The following PCDHA3 variants were observed in gnomAD, a reference collection of about 807,000 sequenced individuals.
PCDHA3 encodes protocadherin alpha 3.
In PCDHA3, 41 loss-of-function variants were observed where a neutral mutation model predicts 62.2. That is an observed-to-expected ratio of 0.66 (90% confidence interval 0.51 to 0.86). The LOEUF is 0.86. PCDHA3 is among the 40% of genes least tolerant of loss of function. The pLI, the probability that PCDHA3 is intolerant of heterozygous loss-of-function variation, is 0.00. For missense variants in PCDHA3, 1,304 were observed against 1,241.2 expected, an observed-to-expected ratio of 1.05 and a Z score of -0.76; for synonymous variants, 640 against 555.4, an observed-to-expected ratio of 1.15 and a Z score of -2.14.
intron 1 of PCDHA3, among the ~76,000 whole-genome samples, chr5:140,909,493 G>T (rs989826667): frequency 6.6e-6 from 1 of 152,184 alleles, no homozygotes; most frequent in African/African-American, 2.4e-5. Context: ...AGAGCTGAAC[G>T]GGGATGTGGT....
intron 1 of PCDHA3, chr5:140,877,773 G>A (rs1554170103): frequency 2.5e-6 from 4 of 1,614,166 alleles, no homozygotes; most frequent in South Asian, 2.2e-5. Flanking sequence ...CGCCCAAGAC[G>A]GACCTCATGG....
intron 3 of PCDHA3, among the ~76,000 whole-genome samples, chr5:140,989,535 GTT>G (rs2097346543): frequency 6.6e-6 from 1 of 152,178 alleles, no homozygotes; most frequent in Non-Finnish European, 1.5e-5. Context: ...GAGGAAGATA[GTT>G]TGTAATTCCT....
At chr5:140,914,710 G>T (rs879987412) in intron 1 of PCDHA3, among the ~76,000 whole-genome samples, 22 of 151,256 alleles carry the variant, frequency 1.5e-4, no homozygotes, top group Non-Finnish European at 2.4e-4. Flanking sequence ...TTAATTTCTT[G>T]TTTTTTATTT....
rs2098414886 is a variant in PCDHA3, at chr5:141,009,848, A to T, written c.2764A>T (p.Thr922Ser). 7 of 1,614,012 alleles carry T rather than the reference A, an allele frequency of 4.3e-6. No homozygotes were observed. Among genetic ancestry groups the T allele is most frequent in the Non-Finnish European group, 5.1e-6 (6 of 1,180,014 alleles). ...DFITFGKKEE[T>S]KKKKKKKKGN... ...CATAACCTTCGGCAAAAAGGAGGAGACCAAGAAAAAGAAGAAAAAGAAGAA... is the reference window on the plus strand; with the variant it reads ...CATAACCTTCGGCAAAAAGGAGGAGTCCAAGAAAAAGAAGAAAAAGAAGAA... The change falls in exon 4 of 4, where the codon ACC becomes TCC. Residue 922 changes from threonine (T) to serine (S), a missense_variant. Thr to Ser is a moderately conservative substitution (Grantham distance 58). Transcript: ENST00000522353.
chr5:140,886,368 C>A (rs1174734883), intron 1 of PCDHA3, among the ~76,000 whole-genome samples: 1 of 152,040 alleles, frequency 6.6e-6, no homozygotes, highest in Non-Finnish European at 1.5e-5. Flanking sequence ...GGTGTACATG[C>A]CATGGTGTGC....
chr5:140,872,919 A>G (rs1554166439), intron 1 of PCDHA3, among the ~76,000 whole-genome samples: 1 of 152,176 alleles, frequency 6.6e-6, no homozygotes, highest in Non-Finnish European at 1.5e-5. Flanking sequence ...GTAATGCCTT[A>G]TCTCTAATGT....
At chr5:140,969,948 G>A (rs1206322511) in intron 1 of PCDHA3, among the ~76,000 whole-genome samples, 3 of 152,198 alleles carry the variant, frequency 2.0e-5, no homozygotes, top group African/African-American at 7.2e-5. Context: ...TGAAGCTAAA[G>A]TTTGCTTTGG....
chr5:140,967,889 C>T, intron 1 of PCDHA3: 1 of 1,614,146 alleles, frequency 6.2e-7, no homozygotes, highest in Non-Finnish European at 8.5e-7. Context: ...TAGCCCAGTG[C>T]CTGAGAATGC....
At chr5:140,976,080 A>G (rs1487401919) in intron 1 of PCDHA3, among the ~76,000 whole-genome samples, 1 of 152,226 alleles carries the variant, frequency 6.6e-6, no homozygotes, top group African/African-American at 2.4e-5. Flanking sequence ...TGTGTCAGAT[A>G]TATCAGTAGT....
At chr5:140,989,657 A>G (rs1045043697) in intron 3 of PCDHA3, among the ~76,000 whole-genome samples, 7 of 152,228 alleles carry the variant, frequency 4.6e-5, no homozygotes, top group African/African-American at 1.7e-4. Flanking sequence ...CAATATTTTA[A>G]AAGAAACTCT....
chr5:140,844,321 A>T lies in PCDHA3; in HGVS notation c.2394+40730A>T, dbSNP rs1407685280. Reference sequence around the variant, plus strand: ...TAGTTTTCATATTCTTCCTAATTTTATTATAAACTAGTTAAAAAGTAAAAT... The same window carrying T: ...TAGTTTTCATATTCTTCCTAATTTTTTTATAAACTAGTTAAAAAGTAAAAT... On this transcript the variant is annotated intron_variant, in intron 1 of 3. Coordinates refer to ENST00000522353, the MANE Select transcript of PCDHA3 (RefSeq NM_018906.3). Among the ~76,000 whole-genome samples the T allele has an allele frequency of 6.0e-5, 9 of 149,650 alleles. 1 individual carries two copies. Among genetic ancestry groups the T allele is most frequent in the African/African-American group, 2.2e-4 (9 of 41,032 alleles).
At chr5:141,006,612 AAGG>A (rs2098279964) in intron 3 of PCDHA3, among the ~76,000 whole-genome samples, 1 of 152,204 alleles carries the variant, frequency 6.6e-6, no homozygotes, top group African/African-American at 2.4e-5. Flanking sequence ...CAGACTGAAT[AAGG>A]AGACTATTGC....
Position 140,857,729 on chromosome 5 carries a change from G to T in PCDHA3, c.2394+54138G>T, listed in dbSNP as rs782508750. 3 of 1,597,292 alleles carry T rather than the reference G, an allele frequency of 1.9e-6. No homozygotes were observed. In the East Asian group the frequency reaches 6.7e-5, roughly 36 times the overall value. On this transcript the variant is annotated intron_variant, in intron 1 of 3. Coordinates refer to ENST00000522353, the MANE Select transcript of PCDHA3 (RefSeq NM_018906.3). ...GTTCGTGCTGGACGAGAACGACAACGCTCCCGCGCTGCTGGCGTCTCCCGC... is the reference window on the plus strand; with the variant it reads ...GTTCGTGCTGGACGAGAACGACAACTCTCCCGCGCTGCTGGCGTCTCCCGC...
rs2150129029 is a variant in PCDHA3, at chr5:140,823,775, C to T, written c.2394+20184C>T. On this transcript the variant is annotated intron_variant, in intron 1 of 3. Coordinates refer to ENST00000522353, the MANE Select transcript of PCDHA3 (RefSeq NM_018906.3). Reference sequence around the variant, plus strand: ...ACAGCCACAGCCACAGTGCTGGTGTCGCTGGTGGAAAGTGGCCAGGCGCCG... The same window carrying T: ...ACAGCCACAGCCACAGTGCTGGTGTTGCTGGTGGAAAGTGGCCAGGCGCCG... 5 of 1,613,850 alleles carry T rather than the reference C, an allele frequency of 3.1e-6. No homozygotes were observed. The South Asian group carries it at 5.5e-5, about 18-fold the overall frequency.
At chr5:140,806,239 A>T (rs1311406571) in intron 1 of PCDHA3, among the ~76,000 whole-genome samples, 1 of 152,090 alleles carries the variant, frequency 6.6e-6, no homozygotes, top group Non-Finnish European at 1.5e-5. Context: ...CTTGTTTATT[A>T]AAAAAAGCTA....
At chr5:141,007,280 T>G (rs946303708) in intron 3 of PCDHA3, among the ~76,000 whole-genome samples, 1 of 151,106 alleles carries the variant, frequency 6.6e-6, no homozygotes, top group East Asian at 1.9e-4. Flanking sequence ...CTGGGTGCAG[T>G]GGGCTCATGC....
At chr5:140,812,433 C>T (rs1447584694) in intron 1 of PCDHA3, 1 of 152,044 alleles carries the variant, frequency 6.6e-6, no homozygotes, top group African/African-American at 2.4e-5. Flanking sequence ...AAAAAATCAA[C>T]TAAGTTTAAA....
At chr5:140,808,867 C>T (rs782544974) in intron 1 of PCDHA3, 18 of 1,613,062 alleles carry the variant, frequency 1.1e-5, no homozygotes, top group African/African-American at 4.0e-5. Flanking sequence ...ACGAAAACGA[C>T]AACGCGCCAG....
chr5:140,859,712 A>G (rs1396254172), intron 1 of PCDHA3: 1 of 154,176 alleles, frequency 6.5e-6, no homozygotes, highest in African/African-American at 2.4e-5. Flanking sequence ...GGAACACCAA[A>G]AAAAAATTGT....
Sources: gnomAD v4.1 joint callset for allele counts (sites outside exome capture counted in the v4.1 genomes callset) on GRCh38, gnomAD v4.1.1 for gene constraint, MANE v1.5 for transcripts, NCBI Gene and HGNC (gene_info 2026-07-23, HGNC 2026-07-21) for gene names.